Variants in PSME3IP1 observed in about 807,000 individuals in gnomAD.
PSME3IP1 encodes the protein proteasome activator subunit 3 interacting protein 1, also known as PSME3-interacting protein.
Under a neutral mutation model 34.1 loss-of-function variants are expected in PSME3IP1, and 13 were observed. That is an observed-to-expected ratio of 0.38 (90% CI 0.25 to 0.61). PSME3IP1 has a LOEUF of 0.61. Ranked by LOEUF, PSME3IP1 falls within the 20% of genes least tolerant of loss-of-function variation. The pLI, the probability that PSME3IP1 is intolerant of heterozygous loss-of-function variation, is 0.60. For missense variants in PSME3IP1, 237 were observed against 301.4 expected, an observed-to-expected ratio of 0.79 and a Z score of 1.58; for synonymous variants, 93 against 114.3, an observed-to-expected ratio of 0.81 and a Z score of 1.19.
Position 57,154,052 on chromosome 16 carries a change from T to G in PSME3IP1, c.*238A>C. The stretch of plus-strand genomic sequence containing the variant: ...GGCCTTGCCCTCCTCCCAATATCAG[T>G]GAGGAAAGTGGCAGCGGGACAGGTT... On this transcript the variant is annotated 3_prime_UTR_variant, in exon 7 of 7. Transcript: ENST00000309137. The surrounding 1 kb of genome is among the most constrained non-coding windows in gnomAD (Gnocchi z 4.0). 2 of 472,254 alleles carry G rather than the reference T, an allele frequency of 4.2e-6. No individual in the cohort carries two copies. Among genetic ancestry groups the G allele is most frequent in the Non-Finnish European group, 7.6e-6 (2 of 264,262 alleles). The allele number at this position is 472,254 out of a possible 1,614,324, so 29.3% of individuals were successfully genotyped here.
At chr16:57,164,770 G>A (rs1397376876) in intron 5 of PSME3IP1, among the ~76,000 whole-genome samples, 2 of 152,106 alleles carry the variant, frequency 1.3e-5, no homozygotes, top group African/African-American at 2.4e-5. Context: ...GGTGGCTGAC[G>A]CCTGTAATCC....
intron 1 of PSME3IP1, among the ~76,000 whole-genome samples, chr16:57,180,188 TGTTTATCATAAG>T (rs1385448919): frequency 6.6e-6 from 1 of 152,258 alleles, no homozygotes; most frequent in Admixed American, 6.5e-5. Context: ...ATATTTTAAA[TGTTTATCATAAG>T]GAGCAATTTG....
intron 6 of PSME3IP1, among the ~76,000 whole-genome samples, chr16:57,161,472 T>A (rs1187388293): frequency 1.3e-5 from 2 of 152,086 alleles, no homozygotes; most frequent in African/African-American, 4.8e-5. Flanking sequence ...AAAGCCATAG[T>A]AGCCAAATAT....
rs2070165328 is a variant in PSME3IP1 at position 57,153,586 on chromosome 16, C to T, written c.*704G>A. ...TCAAAAACAAACATAAAATAATTTC[C>T]CAGGCAGAGAAAAGGTTTGAGATGG... On this transcript the variant is annotated 3_prime_UTR_variant, in exon 7 of 7. Coordinates refer to ENST00000309137, the MANE Select transcript of PSME3IP1 (RefSeq NM_024946.4). 1 of 152,072 alleles carries T rather than the reference C, an allele frequency of 6.6e-6. No individual in the cohort carries two copies. The highest frequency in any genetic ancestry group is 1.9e-4 in the East Asian group (1 of 5,198). The allele number at this position is 152,072 out of a possible 1,614,324, so 9.4% of individuals were successfully genotyped here.
At chr16:57,186,104 A>C (rs7186799), upstream of PSME3IP1, 419,100 of 985,108 alleles carry the variant, frequency 0.43, 90,025 homozygotes, top group Non-Finnish European at 0.44. Context: ...CGGGAGCCCG[A>C]TGGAAATCCG....
At chr16:57,164,939 G>GGA (rs2071677247) in intron 5 of PSME3IP1, among the ~76,000 whole-genome samples, 5 of 151,684 alleles carry the variant, frequency 3.3e-5, no homozygotes, top group Admixed American at 3.3e-4. Context: ...GCTGAGGCAT[G>GGA]AGAATCGCTT....
rs775745283 is a variant in PSME3IP1 at position 57,154,440 on chromosome 16, A to G, written c.615T>C (p.Ala205=). The change falls in exon 7 of 7, where the codon GCT becomes GCC. Residue 205 remains alanine (A), a synonymous_variant. Transcript: ENST00000309137. This position sits in a 1 kb window ranked among gnomAD's most constrained non-coding sequence, Gnocchi z 4.0. ...LSGPSIHCPS[A]AVCIGILPGL... ...CTGGGAGGATGCCGATACATACTGC[A>G]GCAGAGGGGCAGTGGATGGAGGGGC... 6.2e-7 allele frequency: 1 copy of G among 1,614,084 alleles called. No homozygotes were observed. Among genetic ancestry groups the G allele is most frequent in the Non-Finnish European group, 8.5e-7 (1 of 1,179,998 alleles).
In PSME3IP1 at chr16:57,172,888, G is replaced by C. The variant is rs1208384898; in HGVS notation, c.128-14C>G. 1 of 1,472,034 alleles carries C rather than the reference G, an allele frequency of 6.8e-7. No individual in the cohort carries two copies. The highest frequency in any genetic ancestry group is 9.5e-7 in the Non-Finnish European group (1 of 1,050,652). The allele number at this position is 1,472,034 out of a possible 1,614,324, so 91.2% of individuals were successfully genotyped here. ...CCTCTGGACATTCTGAAAGGAAAAGGAGAGGGGAGAGAGGTGGACGGGGAG... is the reference window on the plus strand; with the variant it reads ...CCTCTGGACATTCTGAAAGGAAAAGCAGAGGGGAGAGAGGTGGACGGGGAG... On this transcript the variant is annotated splice_polypyrimidine_tract_variant and intron_variant, in intron 2 of 6. Coordinates refer to ENST00000309137, the MANE Select transcript of PSME3IP1 (RefSeq NM_024946.4).
At position 57,174,701 on chromosome 16, in the gene PSME3IP1, G is replaced by A. The variant is rs974486741; in HGVS notation, c.-15-832C>T. 6 of 985,282 alleles carry A rather than the reference G, an allele frequency of 6.1e-6. No individual in the cohort carries two copies. In the East Asian group the frequency reaches 5.7e-4, roughly 93 times the overall value. 61.0% of individuals were successfully genotyped at this position (985,282 alleles called of 1,614,324 possible). A position where few individuals can be genotyped will look rare whatever the true frequency, so the allele number is the denominator to read the frequency against. On this transcript the variant is annotated intron_variant, in intron 1 of 6. Transcript: ENST00000309137. ...GTTCAAGTCCAGTCTGTATAGCAGG[G>A]AAGGTGCACAAACCATGAATGGAGA...
At chr16:57,159,583 G>C (rs1047709600) in intron 6 of PSME3IP1, among the ~76,000 whole-genome samples, 1 of 152,150 alleles carries the variant, frequency 6.6e-6, no homozygotes. Flanking sequence ...CACTGCTAAG[G>C]ACAGGGCTGA....
rs1287947975 is a variant in PSME3IP1, at chr16:57,157,607, CTTTTCTTTT to C, written c.548-3109_548-3101del. 5.9e-5 allele frequency among the ~76,000 whole-genome samples: 9 copies of C among 151,484 alleles called. No homozygotes were observed. The East Asian group carries it at 9.7e-4, about 16-fold the overall frequency. ...TTCTTTTGTCCCTTTTGAATTTTTCCTTTTCTTTTTTTTCTTTTTTTTTTTTAAGAACAT... is the reference window on the plus strand; with the variant it reads ...TTCTTTTGTCCCTTTTGAATTTTTCCTTTTCTTTTTTTTTTTTAAGAACAT... On this transcript the variant is annotated intron_variant, in intron 6 of 6. Transcript: ENST00000309137.
At chr16:57,185,055 T>C (rs1186454697) in intron 1 of PSME3IP1, among the ~76,000 whole-genome samples, 3 of 152,210 alleles carry the variant, frequency 2.0e-5, no homozygotes, top group East Asian at 3.9e-4. Context: ...TCACAGGTGG[T>C]AGGCAAGAGG....
intron 4 of PSME3IP1, among the ~76,000 whole-genome samples, chr16:57,171,656 C>T (rs542124408): frequency 6.6e-6 from 1 of 152,282 alleles, no homozygotes; most frequent in African/African-American, 2.4e-5. Context: ...CTACCAGTTA[C>T]TGGGACTGGG....
At chr16:57,158,449 G>A (rs185896972) in intron 6 of PSME3IP1, among the ~76,000 whole-genome samples, 1 of 152,092 alleles carries the variant, frequency 6.6e-6, no homozygotes, top group African/African-American at 2.4e-5. Context: ...TTAGCCAGGC[G>A]TGGTGGCACA....
intron 1 of PSME3IP1, among the ~76,000 whole-genome samples, chr16:57,177,622 T>C (rs2073313109): frequency 6.6e-6 from 1 of 152,146 alleles, no homozygotes; most frequent in Non-Finnish European, 1.5e-5. Context: ...ACAAGAAATG[T>C]ATTTCTCATC....
At chr16:57,185,657 G>A in intron 1 of PSME3IP1, 164 bp downstream of exon 1, 4 of 985,524 alleles carry the variant, frequency 4.1e-6, no homozygotes, top group Non-Finnish European at 4.8e-6. Flanking sequence ...CTCCCCTCAG[G>A]CTGGGCCCGC....
chr16:57,153,509 A>T lies in PSME3IP1; in HGVS notation c.*781T>A, dbSNP rs1481598395. The stretch of plus-strand genomic sequence containing the variant: ...TCTGATGTCTGGCTATTAGTAAACA[A>T]GGCCTACGTTTGTTTCTCTAAAATT... On this transcript the variant is annotated 3_prime_UTR_variant, in exon 7 of 7. Coordinates refer to ENST00000309137, the MANE Select transcript of PSME3IP1 (RefSeq NM_024946.4). 1 of 152,238 alleles carries T rather than the reference A, an allele frequency of 6.6e-6. No individual in the cohort carries two copies. Among genetic ancestry groups the T allele is most frequent in the African/African-American group, 2.4e-5 (1 of 41,462 alleles). The allele number at this position is 152,238 out of a possible 1,614,324, so 9.4% of individuals were successfully genotyped here.
chr16:57,154,330 G>A lies in PSME3IP1; in HGVS notation c.725C>T (p.Ser242Phe). ...GAAGGTGTTGGTTCGGAAGATGGAG[G>A]AGACAATCTTTCCGGTGGCATTGAT... ...GTINATGKIV[S>F]SIFRTNTFLE... is the part of the protein sequence containing the mutation. The change falls in exon 7 of 7, where the codon TCC (serine) becomes TTC (phenylalanine). Residue 242 changes from serine (S) to phenylalanine (F), a missense_variant. Ser to Phe is a radical substitution (Grantham distance 155, BLOSUM62 -2). Coordinates refer to ENST00000309137, the MANE Select transcript of PSME3IP1 (RefSeq NM_024946.4). This position sits in a 1 kb window ranked among gnomAD's most constrained non-coding sequence, Gnocchi z 4.0. 13 of 1,614,070 alleles carry A rather than the reference G, an allele frequency of 8.1e-6. No homozygotes were observed. Among genetic ancestry groups the A allele is most frequent in the Non-Finnish European group, 6.8e-6 (8 of 1,180,020 alleles).
At chr16:57,183,998 C>CAA (rs2073942492) in intron 1 of PSME3IP1, among the ~76,000 whole-genome samples, 1 of 152,168 alleles carries the variant, frequency 6.6e-6, no homozygotes, top group Admixed American at 6.5e-5. Flanking sequence ...ATTATAAAAA[C>CAA]AACTATACTT....
Sources: allele counts gnomAD v4.1 joint callset (sites outside exome capture counted in the v4.1 genomes callset), GRCh38; gene constraint gnomAD v4.1.1; non-coding constraint Gnocchi (gnomAD v3.1); transcripts MANE v1.5; gene names NCBI Gene and HGNC (gene_info 2026-07-23, HGNC 2026-07-21).